The following ZNF638 variants were observed in gnomAD, a reference collection of about 807,000 sequenced individuals.
ZNF638 encodes the protein CTCL tumor antigen se33-1.
Under a neutral mutation model 195.6 loss-of-function variants are expected in ZNF638, and 46 were observed. That is an observed-to-expected ratio of 0.24 (90% CI 0.19 to 0.30). The LOEUF (loss-of-function observed/expected upper bound fraction) is 0.30. Among genes scored for constraint, ZNF638 ranks in the 10% least tolerant of loss-of-function variants. The pLI, the probability that ZNF638 is intolerant of heterozygous loss-of-function variation, is 1.00. For synonymous variants in ZNF638, 845 were observed against 772.0 expected, an observed-to-expected ratio of 1.09 and a Z score of -1.57; for missense variants, 2,440 against 2,325.3, an observed-to-expected ratio of 1.05 and a Z score of -1.01.
At chr2:71,387,837 T>G (rs750270536) in intron 10 of ZNF638, among the ~76,000 whole-genome samples, 7 of 152,218 alleles carry the variant, frequency 4.6e-5, no homozygotes, top group Non-Finnish European at 1.0e-4. Flanking sequence ...TATTAATGCA[T>G]AAGTATTTTG....
chr2:71,370,159 C>G (rs1391140348), intron 8 of ZNF638, among the ~76,000 whole-genome samples, 154 bp downstream of exon 8: 1 of 152,156 alleles, frequency 6.6e-6, no homozygotes, highest in Non-Finnish European at 1.5e-5. Flanking sequence ...GAAATTAAAA[C>G]TTCCTCATAC....
intron 21 of ZNF638, among the ~76,000 whole-genome samples, chr2:71,421,718 G>A (rs1171539589): frequency 6.6e-6 from 1 of 152,098 alleles, no homozygotes; most frequent in Non-Finnish European, 1.5e-5. Context: ...TAATAATCAG[G>A]TATTGATATG....
Position 71,408,233 on chromosome 2 carries a change from A to G in ZNF638, c.3247A>G (p.Ile1083Val), listed in dbSNP as rs368097344. 3 of 1,610,938 alleles carry G rather than the reference A, an allele frequency of 1.9e-6. No individual in the cohort carries two copies. The highest frequency in any genetic ancestry group is 2.5e-6 in the Non-Finnish European group (3 of 1,179,010). ...HMLTCSLSPK[I>V]DLPEVQIEHD... ...GTTGACCTGCTCATTATCTCCAAAG[A>G]TAGACTTACCAGAGGTAAGATTTAT... Residue 1083 changes from isoleucine (I) to valine (V), a missense_variant, in exon 20 of 28, where the codon ATA becomes GTA. Physicochemically the swap from Ile to Val is conservative, Grantham distance 29. Coordinates refer to ENST00000264447, the MANE Select transcript of ZNF638 (RefSeq NM_014497.5).
At chr2:71,433,062 G>A (rs2080699442) in intron 26 of ZNF638, 103 bp from the exon 27 acceptor site, 3 of 952,114 alleles carry the variant, frequency 3.2e-6, no homozygotes, top group Non-Finnish European at 4.9e-6. Flanking sequence ...CCTCCAACCT[G>A]GATGACAGAG....
intron 4 of ZNF638, among the ~76,000 whole-genome samples, chr2:71,363,517 TGTACACACAC>T (rs1375997214): frequency 1.1e-4 from 17 of 152,252 alleles, no homozygotes; most frequent in East Asian, 3.8e-4. Context: ...AGGTTATGTG[TGTACACACAC>T]GTACACACAC....
chr2:71,338,529 A>G (rs1348876193), intron 1 of ZNF638, among the ~76,000 whole-genome samples: 1 of 152,216 alleles, frequency 6.6e-6, no homozygotes, highest in Non-Finnish European at 1.5e-5. Context: ...TGATGTATCT[A>G]AAGTAGTTTC....
rs778955767 is a variant in ZNF638, at chr2:71,398,660, A to G, written c.2429-41A>G. On this transcript the variant is annotated intron_variant, in intron 11 of 27. Transcript: ENST00000264447. Reference sequence around the variant, plus strand: ...AGGTTCTTTGGAGATTGTTGATACTAGTTAAGTAAACCAGTTTTGACTGCA... The same window carrying G: ...AGGTTCTTTGGAGATTGTTGATACTGGTTAAGTAAACCAGTTTTGACTGCA... 6.2e-6 allele frequency: 9 copies of G among 1,454,756 alleles called. No individual in the cohort carries two copies. In the East Asian group the frequency reaches 2.0e-4, roughly 33 times the overall value. 90.1% of individuals were successfully genotyped at this position (1,454,756 alleles called of 1,614,324 possible).
rs1363420843 is a variant in ZNF638, at chr2:71,431,373, CAAG to C, written c.5702_5704del (p.Lys1901del). On this transcript the variant is annotated inframe_deletion, in exon 26 of 28. Coordinates refer to ENST00000264447, the MANE Select transcript of ZNF638 (RefSeq NM_014497.5). ...AGGATTCAGAACCAGAGCGAAAACGCAAGAAGACTGAAGACTCTTCTTCAGGCA... is the reference window on the plus strand; with the variant it reads ...AGGATTCAGAACCAGAGCGAAAACGCAAGACTGAAGACTCTTCTTCAGGCA... The C allele has an allele frequency of 6.2e-7, 1 of 1,614,022 alleles. No homozygotes were observed.
intron 10 of ZNF638, among the ~76,000 whole-genome samples, chr2:71,394,727 C>T (rs1487706838): frequency 6.6e-6 from 1 of 152,178 alleles, no homozygotes; most frequent in Non-Finnish European, 1.5e-5. Flanking sequence ...TAGTCTCAGC[C>T]ATAGTCATCC....
rs1573113774 is a variant in ZNF638, at chr2:71,395,852, A to G, written c.2378-289A>G. 6.2e-6 allele frequency: 3 copies of G among 481,882 alleles called. No individual in the cohort carries two copies. In the East Asian group the frequency reaches 1.2e-4, roughly 19 times the overall value. 29.9% of individuals were successfully genotyped at this position (481,882 alleles called of 1,614,324 possible). A position where few individuals can be genotyped will look rare whatever the true frequency, so the allele number is the denominator to read the frequency against. On this transcript the variant is annotated intron_variant, in intron 10 of 27. Transcript: ENST00000264447. Reference sequence around the variant, plus strand: ...CTTGATATATTGTGTGTGTTTGGAAATGGGGAATAATTCCTATGCTTATGT... The same window carrying G: ...CTTGATATATTGTGTGTGTTTGGAAGTGGGGAATAATTCCTATGCTTATGT...
Position 71,365,530 on chromosome 2 carries a change from G to A in ZNF638, c.1819G>A (p.Ala607Thr), listed in dbSNP as rs1435435151. 1 of 1,614,066 alleles carries A rather than the reference G, an allele frequency of 6.2e-7. No homozygotes were observed. The change falls in exon 6 of 28, where the codon GCA becomes ACA. Residue 607 changes from alanine to threonine, a missense_variant. Transcript: ENST00000264447. ...LEAADKGHSP[A>T]QKPKTSSGTK... ...AGCTGCTGATAAGGGACATTCACCA[G>A]CACAAAAGCCTAAAACTAGCAGTGG... is the stretch of plus-strand genomic sequence containing the variant.
Position 71,332,748 on chromosome 2 carries a change from C to A in ZNF638, c.-203+873C>A, listed in dbSNP as rs545879499. The A allele has an allele frequency of 2.6e-5, 4 of 152,254 alleles. No individual in the cohort carries two copies. In the South Asian group the frequency reaches 8.3e-4, roughly 32 times the overall value. 9.4% of individuals were successfully genotyped at this position (152,254 alleles called of 1,614,324 possible). ...AGGTAATTGTTAATGAGGGATACTT[C>A]AGTATTACAAAATCATGGATTGAGC... On this transcript the variant is annotated intron_variant, in intron 1 of 27. Transcript: ENST00000264447.
Position 71,331,826 on chromosome 2 carries a change from A to C in ZNF638, c.-252A>C. Reference sequence around the variant, plus strand: ...GCGTCGAGACTGGAGGCTGAGTGCTAAACTGTGTGGGGCGCGGATGGGATC... The same window carrying C: ...GCGTCGAGACTGGAGGCTGAGTGCTCAACTGTGTGGGGCGCGGATGGGATC... On this transcript the variant is annotated 5_prime_UTR_variant, in exon 1 of 28. Transcript: ENST00000264447. 3.0e-6 allele frequency: 3 copies of C among 986,274 alleles called. No individual in the cohort carries two copies. The South Asian group carries it at 1.4e-4, about 46-fold the overall frequency. The allele number at this position is 986,274 out of a possible 1,614,324, so 61.1% of individuals were successfully genotyped here.
chr2:71,426,687 A>G lies in ZNF638; in HGVS notation c.4818A>G (p.Glu1606=). ...TTGTGACATTGGATGAGATTGGGGA[A>G]GAGGAAGATGCAGCTGCACATCTAG... The part of the protein sequence containing the change: ...LSFVTLDEIG[E]EEDAAAHLAQ... The change falls in exon 24 of 28, where the codon GAA becomes GAG. Residue 1606 remains glutamate, a synonymous_variant. Coordinates refer to ENST00000264447, the MANE Select transcript of ZNF638 (RefSeq NM_014497.5). 6.2e-7 allele frequency: 1 copy of G among 1,614,194 alleles called. No individual in the cohort carries two copies. The highest frequency in any genetic ancestry group is 8.5e-7 in the Non-Finnish European group (1 of 1,180,034).
At position 71,399,744 on chromosome 2, in the gene ZNF638, C is replaced by CAT. The variant is rs551345509; in HGVS notation, c.2587+99_2587+100insAT. 744 of 905,620 alleles carry CAT rather than the reference C, an allele frequency of 8.2e-4. 4 individuals carry two copies. In the African/African-American group the frequency reaches 0.01, roughly 13 times the overall value. The allele number at this position is 905,620 out of a possible 1,614,324, so 56.1% of individuals were successfully genotyped here. A position where few individuals can be genotyped will look rare whatever the true frequency, so the allele number is the denominator to read the frequency against. The stretch of plus-strand genomic sequence containing the variant: ...TGTGCAGGTTTCTTACATAGGTAAA[C>CAT]GTGTCATGGGGGTTTGTTGTACAGG... On this transcript the variant is annotated intron_variant, in intron 13 of 27. Transcript: ENST00000264447.
intron 20 of ZNF638, chr2:71,408,774 T>C (rs1274152329): frequency 2.3e-6 from 1 of 440,406 alleles, no homozygotes; most frequent in African/African-American, 2.1e-5. Flanking sequence ...TATGCTGATA[T>C]CAGAGGTAAG....
At chr2:71,391,676 A>G (rs1299220130) in intron 10 of ZNF638, among the ~76,000 whole-genome samples, 3 of 152,196 alleles carry the variant, frequency 2.0e-5, no homozygotes, top group African/African-American at 7.2e-5. Flanking sequence ...AATACTAGCA[A>G]CTTACATACC....
intron 10 of ZNF638, among the ~76,000 whole-genome samples, chr2:71,391,281 AG>A (rs2079771317): frequency 6.6e-6 from 1 of 152,200 alleles, no homozygotes; most frequent in South Asian, 2.1e-4. Context: ...TTGACTTAAA[AG>A]ACTGCTTTAA....
chr2:71,380,799 C>G (rs551460045), intron 10 of ZNF638: 1 of 356,626 alleles, frequency 2.8e-6, no homozygotes, highest in Non-Finnish European at 5.0e-6. Context: ...AAATAGCTAT[C>G]GTAGTTCCAC....
Sources: allele counts gnomAD v4.1 joint callset (sites outside exome capture counted in the v4.1 genomes callset), GRCh38; gene constraint gnomAD v4.1.1; transcripts MANE v1.5; gene names NCBI Gene and HGNC (gene_info 2026-07-23, HGNC 2026-07-21).